Variants in ROBO2 observed in about 807,000 individuals in gnomAD.
The protein encoded by ROBO2 is roundabout homolog 2.
ROBO2 carries 53 observed loss-of-function variants against 160.8 expected under a neutral mutation model. That is an observed-to-expected ratio of 0.33 (90% confidence interval 0.26 to 0.41). ROBO2 has a LOEUF of 0.41. ROBO2 is among the 10% of genes least tolerant of loss of function. The pLI, the probability that ROBO2 is intolerant of heterozygous loss-of-function variation, is 1.00. For missense variants in ROBO2, 1,577 were observed against 1,722.4 expected, an observed-to-expected ratio of 0.92 and a Z score of 1.49; for synonymous variants, 664 against 611.7, an observed-to-expected ratio of 1.09 and a Z score of -1.26.
intron 2 of ROBO2, among the ~76,000 whole-genome samples, chr3:76,559,774 G>A (rs1239624572): frequency 1.3e-5 from 2 of 151,992 alleles, no homozygotes; most frequent in Admixed American, 1.3e-4. Flanking sequence ...AAGCAACTAC[G>A]GCTTTATTAC....
chr3:77,296,606 A>T (rs939514973), intron 2 of ROBO2, among the ~76,000 whole-genome samples: 1 of 152,130 alleles, frequency 6.6e-6, no homozygotes, highest in Non-Finnish European at 1.5e-5. Flanking sequence ...TTCCCTGGAC[A>T]TTGAGACCTT....
chr3:77,394,430 A>G (rs2075068243), intron 2 of ROBO2, among the ~76,000 whole-genome samples: 1 of 152,128 alleles, frequency 6.6e-6, no homozygotes, highest in South Asian at 2.1e-4. Context: ...AAGACTGGTG[A>G]AGTATTGAAC....
chr3:76,655,252 A>G (rs2091453062), intron 2 of ROBO2, among the ~76,000 whole-genome samples: 1 of 150,658 alleles, frequency 6.6e-6, no homozygotes, highest in Non-Finnish European at 1.5e-5. Flanking sequence ...CTGTTCTACC[A>G]TAAAATATTA....
chr3:76,543,938 A>G (rs2082950884), intron 2 of ROBO2, among the ~76,000 whole-genome samples: 2 of 152,048 alleles, frequency 1.3e-5, no homozygotes, highest in Non-Finnish European at 2.9e-5. Flanking sequence ...TTCAGGGGAA[A>G]AATATGCTAG....
At chr3:77,508,865 T>A (rs2153614064) in intron 5 of ROBO2, among the ~76,000 whole-genome samples, 1 of 152,230 alleles carries the variant, frequency 6.6e-6, no homozygotes, top group South Asian at 2.1e-4. Context: ...AGATCAAACT[T>A]CGGTTTCTTC....
chr3:76,016,714 T>C (rs888365872), intron 2 of ROBO2, among the ~76,000 whole-genome samples: 2 of 152,110 alleles, frequency 1.3e-5, no homozygotes, highest in Non-Finnish European at 2.9e-5. Context: ...TAGTAAATAA[T>C]TGAAATAAAA....
intron 2 of ROBO2, among the ~76,000 whole-genome samples, chr3:76,621,272 A>C: frequency 6.6e-6 from 1 of 152,248 alleles, no homozygotes; most frequent in South Asian, 2.1e-4. Flanking sequence ...TTTGTAAATA[A>C]GTATTGCTGT....
intron 2 of ROBO2, among the ~76,000 whole-genome samples, chr3:76,004,506 A>G (rs1170116429): frequency 1.3e-5 from 2 of 152,150 alleles, no homozygotes; most frequent in Non-Finnish European, 2.9e-5. Context: ...TGGAGACTAG[A>G]AGTTCAAATT....
chr3:75,998,088 G>A (rs146907745), intron 2 of ROBO2, among the ~76,000 whole-genome samples: 91 of 152,116 alleles, frequency 6.0e-4, no homozygotes, highest in African/African-American at 2.0e-3. Flanking sequence ...ATCAAGAACC[G>A]GACAGATTCT....
At chr3:76,872,824 G>T (rs1337792362) in intron 2 of ROBO2, among the ~76,000 whole-genome samples, 1 of 151,198 alleles carries the variant, frequency 6.6e-6, no homozygotes, top group Non-Finnish European at 1.5e-5. Flanking sequence ...GCTTTCTTTG[G>T]CATCTGTCCA....
rs201135123 is a variant in ROBO2 at position 77,183,048 on chromosome 3, AG to A, written c.388+84710del. On this transcript the variant is annotated intron_variant, in intron 2 of 25. Transcript: ENST00000461745. ...TCAGGTCATTATAATCTACCCGGTC[AG>A]GCTCCAGACTGTCTCTGTAATTTCA... Among the ~76,000 whole-genome samples the A allele has an allele frequency of 9.6e-3, 1,458 of 152,216 alleles. 12 individuals are homozygous for A. The highest frequency in any genetic ancestry group is 0.014 in the Non-Finnish European group (967 of 67,998).
chr3:77,407,963 A>G (rs924914703), intron 2 of ROBO2, among the ~76,000 whole-genome samples: 5 of 152,172 alleles, frequency 3.3e-5, no homozygotes, highest in African/African-American at 1.2e-4. Context: ...ATTAGTATAA[A>G]TCTTTAGCTT....
At chr3:76,979,592 T>G (rs910552545) in intron 2 of ROBO2, among the ~76,000 whole-genome samples, 18 of 151,092 alleles carry the variant, frequency 1.2e-4, no homozygotes, top group African/African-American at 3.7e-4. Context: ...TGTGTGTGTG[T>G]GGTGTGTGTG....
chr3:76,024,262 G>T (rs1460168594), intron 2 of ROBO2, among the ~76,000 whole-genome samples: 1 of 151,500 alleles, frequency 6.6e-6, no homozygotes, highest in Non-Finnish European at 1.5e-5. Context: ...TAAAAGGAAA[G>T]ACGCCTGTTT....
At chr3:76,236,438 A>G (rs1016716382) in intron 2 of ROBO2, among the ~76,000 whole-genome samples, 3 of 152,278 alleles carry the variant, frequency 2.0e-5, no homozygotes, top group African/African-American at 7.2e-5. Flanking sequence ...ATTTTTACAC[A>G]TTGTTATGTA....
At chr3:76,786,318 C>T (rs1046613157) in intron 2 of ROBO2, among the ~76,000 whole-genome samples, 1 of 151,162 alleles carries the variant, frequency 6.6e-6, no homozygotes, top group Admixed American at 6.6e-5. Context: ...TAAAGATGTA[C>T]CTGAGACTGG....
chr3:77,346,502 A>T (rs568740189), intron 2 of ROBO2, among the ~76,000 whole-genome samples: 1 of 152,260 alleles, frequency 6.6e-6, no homozygotes, highest in Non-Finnish European at 1.5e-5. Flanking sequence ...GCTGTCACAA[A>T]CTTAGTGGCT....
In ROBO2 at chr3:76,825,576, G is replaced by A. The variant is rs549566369; in HGVS notation, c.110-272438G>A. Reference sequence around the variant, plus strand: ...AATTGGTTAAACAGACTCCAGTAATGGGAGTCTACCCTTTCATCATCTTAG... The same window carrying A: ...AATTGGTTAAACAGACTCCAGTAATAGGAGTCTACCCTTTCATCATCTTAG... On this transcript the variant is annotated intron_variant, in intron 2 of 26. Transcript: ENST00000487694. Among the ~76,000 whole-genome samples, 44 of 130,544 alleles carry A rather than the reference G, an allele frequency of 3.4e-4. 1 individual carries two copies. Among genetic ancestry groups the A allele is most frequent in the Non-Finnish European group, 1.5e-4 (10 of 64,730 alleles). The allele number at this position is 130,544 out of a possible 152,430, so 85.6% of individuals were successfully genotyped here. A position where few individuals can be genotyped will look rare whatever the true frequency, so the allele number is the denominator to read the frequency against.
chr3:76,867,153 T>A lies in ROBO2; in HGVS notation c.110-230861T>A, dbSNP rs531686806. On this transcript the variant is annotated intron_variant, in intron 2 of 26. Transcript: ENST00000487694. ...GTATTAACACTAGCCTAGATTACTGTTATTTTGTAAGACAAGAGGAAATAA... is the reference window on the plus strand; with the variant it reads ...GTATTAACACTAGCCTAGATTACTGATATTTTGTAAGACAAGAGGAAATAA... Among the ~76,000 whole-genome samples, 17 of 152,270 alleles carry A rather than the reference T, an allele frequency of 1.1e-4. No homozygotes were observed. In the South Asian group the frequency reaches 3.5e-3, roughly 32 times the overall value.
Sources: allele counts gnomAD v4.1 joint callset (sites outside exome capture counted in the v4.1 genomes callset), GRCh38; gene constraint gnomAD v4.1.1; transcripts MANE v1.5; gene names NCBI Gene and HGNC (gene_info 2026-07-23, HGNC 2026-07-21).